UBXN6: variants seen among roughly 807,000 people sequenced by gnomAD.
UBXN6 encodes UBX domain protein 6.
Under a neutral mutation model 51.4 loss-of-function variants are expected in UBXN6, and 44 were observed. The observed-to-expected ratio is 0.86, with a 90% CI of 0.67 to 1.10. The LOEUF (loss-of-function observed/expected upper bound fraction) is 1.10. Ranked by LOEUF, UBXN6 falls within the 50% of genes least tolerant of loss-of-function variation. The pLI, the probability that UBXN6 is intolerant of heterozygous loss-of-function variation, is 0.00. For missense variants in UBXN6, 672 were observed against 596.1 expected, an observed-to-expected ratio of 1.13 and a Z score of -1.32; for synonymous variants, 316 against 263.2, an observed-to-expected ratio of 1.20 and a Z score of -1.94.
chr19:4,452,350 A>C lies in UBXN6; in HGVS notation c.441+14T>G. 2 of 1,612,060 alleles carry C rather than the reference A, an allele frequency of 1.2e-6. No homozygotes were observed. Among genetic ancestry groups the C allele is most frequent in the Non-Finnish European group, 1.7e-6 (2 of 1,178,742 alleles). ...GCTACAGGTTGGGGCAGGAGCACACAGGGTGCCACTCACCAAGAGAATGGC... is the reference window on the plus strand; with the variant it reads ...GCTACAGGTTGGGGCAGGAGCACACCGGGTGCCACTCACCAAGAGAATGGC... On this transcript the variant is annotated intron_variant, in intron 4 of 10. Coordinates refer to ENST00000301281, the MANE Select transcript of UBXN6 (RefSeq NM_025241.3).
At chr19:4,447,392 C>G in intron 6 of UBXN6, 158 bp downstream of exon 6, 3 of 731,594 alleles carry the variant, frequency 4.1e-6, no homozygotes, top group Non-Finnish European at 7.0e-6. Flanking sequence ...TCCATCTTGT[C>G]CTGCTACCTT....
Position 4,445,421 on chromosome 19 carries a change from G to A in UBXN6, c.*77C>T, listed in dbSNP as rs748780485. ...CAAGTATTTCCAGAGGTGGCTTGGA[G>A]GCCCTGGGGTGGCGGGGAGAGGAAC... On this transcript the variant is annotated 3_prime_UTR_variant, in exon 11 of 11. Coordinates refer to ENST00000301281, the MANE Select transcript of UBXN6 (RefSeq NM_025241.3). 1.3e-6 allele frequency: 2 copies of A among 1,591,508 alleles called. No individual in the cohort carries two copies. The highest frequency in any genetic ancestry group is 1.7e-6 in the Non-Finnish European group (2 of 1,166,084).
chr19:4,445,671 C>A (rs1352543750), intron 10 of UBXN6, 48 bp from the exon 11 acceptor site: 1 of 1,587,216 alleles, frequency 6.3e-7, no homozygotes, highest in East Asian at 2.3e-5. Flanking sequence ...TCGGCCCTTG[C>A]CGCGGCAGGG....
chr19:4,452,598 C>T (rs1974673314), intron 3 of UBXN6, 106 bp from the exon 4 acceptor site: 6 of 1,421,468 alleles, frequency 4.2e-6, no homozygotes, highest in Middle Eastern at 2.6e-4. Flanking sequence ...ACATCTCCAG[C>T]CCCCATGCTG....
At chr19:4,452,988 G>A (rs1383194057) in intron 3 of UBXN6, among the ~76,000 whole-genome samples, 1 of 152,178 alleles carries the variant, frequency 6.6e-6, no homozygotes, top group African/African-American at 2.4e-5. Flanking sequence ...ACCTCCTAGA[G>A]GAAGGCCTCC....
At chr19:4,455,981 C>T (rs1974734478) in intron 1 of UBXN6, among the ~76,000 whole-genome samples, 1 of 152,058 alleles carries the variant, frequency 6.6e-6, no homozygotes, top group African/African-American at 2.4e-5. Flanking sequence ...AGAAGGTGAG[C>T]CCTGGGACAG....
Position 4,457,745 on chromosome 19 carries a change from G to A in UBXN6, c.-48C>T, listed in dbSNP as rs1483251499. 8.4e-6 allele frequency: 11 copies of A among 1,306,292 alleles called. No individual in the cohort carries two copies. Among genetic ancestry groups the A allele is most frequent in the Non-Finnish European group, 1.1e-5 (11 of 975,168 alleles). The allele number at this position is 1,306,292 out of a possible 1,614,324, so 80.9% of individuals were successfully genotyped here. On this transcript the variant is annotated 5_prime_UTR_variant, in exon 1 of 11. Coordinates refer to ENST00000301281, the MANE Select transcript of UBXN6 (RefSeq NM_025241.3). ...GGGGGCCGCGGGGGCGGGGGGGCACGGGGCCCAGTCGGGGACGGGGCCGCC... is the reference window on the plus strand; with the variant it reads ...GGGGGCCGCGGGGGCGGGGGGGCACAGGGCCCAGTCGGGGACGGGGCCGCC...
At chr19:4,447,485 C>A (rs534358767) in intron 6 of UBXN6, 65 bp downstream of exon 6, 2 of 1,579,280 alleles carry the variant, frequency 1.3e-6, no homozygotes, top group African/African-American at 2.7e-5. Context: ...GGGCCACCAC[C>A]GGCTCCTGCA....
In UBXN6 at chr19:4,446,405, G is replaced by T; in HGVS notation, c.929C>A (p.Ala310Glu). ...CCGCAGCACGCTCAGCCGCTCCACC[G>T]CCTCGGACCTGCACACGCGGGCCAG... Reference protein sequence around the residue: ...IKREQRLRSEAVERLSVLRTK... With the variant: ...IKREQRLRSEEVERLSVLRTK... Residue 310 changes from alanine to glutamate, a missense_variant, in exon 9 of 11, where the codon GCG becomes GAG. Transcript: ENST00000301281. 6.3e-7 allele frequency: 1 copy of T among 1,577,950 alleles called. No individual in the cohort carries two copies. The highest frequency in any genetic ancestry group is 1.3e-5 in the African/African-American group (1 of 74,538).
chr19:4,445,704 CG>C, intron 10 of UBXN6, 81 bp from the exon 11 acceptor site: 1 of 1,558,452 alleles, frequency 6.4e-7, no homozygotes, highest in Non-Finnish European at 8.7e-7. Context: ...AACCTGGGCG[CG>C]GGGATGCCCC....
At chr19:4,446,443 G>C (rs1417339148) in intron 8 of UBXN6, 30 bp from the exon 9 acceptor site, 1 of 1,579,442 alleles carries the variant, frequency 6.3e-7, no homozygotes, top group Non-Finnish European at 8.6e-7. Flanking sequence ...CACGAGGGCT[G>C]GCCGGGGTTC....
intron 5 of UBXN6, 118 bp from the exon 6 acceptor site, chr19:4,447,743 A>G (rs1974567215): frequency 9.5e-7 from 1 of 1,057,262 alleles, no homozygotes; most frequent in Admixed American, 1.8e-5. Context: ...CAGAGGGAAG[A>G]AGCGGCCCAG....
intron 5 of UBXN6, 31 bp from the exon 6 acceptor site, chr19:4,447,656 C>G: frequency 6.2e-7 from 1 of 1,611,784 alleles, no homozygotes; most frequent in African/African-American, 1.3e-5. Context: ...GAGTGGGGCA[C>G]AGCCCAGGCT....
At position 4,454,014 on chromosome 19, in the gene UBXN6, C is replaced by T. The variant is rs767607803; in HGVS notation, c.163G>A (p.Ala55Thr). 12 of 1,605,320 alleles carry T rather than the reference C, an allele frequency of 7.5e-6. No individual in the cohort carries two copies. The East Asian group carries it at 2.7e-4, about 36-fold the overall frequency. The change falls in exon 2 of 11, where the codon GCA becomes ACA. Residue 55 changes from alanine to threonine, a missense_variant. Ala to Thr is a moderately conservative substitution (Grantham distance 58, BLOSUM62 0). Coordinates refer to ENST00000301281, the MANE Select transcript of UBXN6 (RefSeq NM_025241.3). Reference protein sequence around the residue: ...RQGPTNEAQMAAAAALARLEQ... With the variant: ...RQGPTNEAQMTAAAALARLEQ... ...AGCCGGGCTAGGGCGGCAGCGGCTG[C>T]CATCTGTGCCTCATTGGTGGGTCCC...
At chr19:4,451,228 T>G (rs965505521) in intron 4 of UBXN6, among the ~76,000 whole-genome samples, 4 of 151,754 alleles carry the variant, frequency 2.6e-5, no homozygotes, top group African/African-American at 9.7e-5. Context: ...GGCTAATTTT[T>G]GTATATTTAG....
At chr19:4,447,246 C>T (rs1974553366) in intron 6 of UBXN6, 2 of 572,248 alleles carry the variant, frequency 3.5e-6, no homozygotes, top group African/African-American at 1.9e-5. Context: ...AAGAACCAGA[C>T]ATCTGGTTTG....
intron 1 of UBXN6, 93 bp downstream of exon 1, chr19:4,457,522 C>T (rs1974756838): frequency 7.3e-6 from 9 of 1,228,134 alleles, no homozygotes; most frequent in Non-Finnish European, 9.8e-6. Context: ...GCCCCTCATC[C>T]TCTCCGATCT....
intron 10 of UBXN6, 47 bp from the exon 11 acceptor site, chr19:4,445,670 G>A (rs1974495021): frequency 1.3e-6 from 2 of 1,588,062 alleles, no homozygotes; most frequent in Non-Finnish European, 1.7e-6. Flanking sequence ...GTCGGCCCTT[G>A]CCGCGGCAGG....
At position 4,446,606 on chromosome 19, in the gene UBXN6, T is replaced by G. The variant is rs578223416; in HGVS notation, c.814A>C (p.Arg272=). 1.6e-5 allele frequency: 26 copies of G among 1,612,726 alleles called. No homozygotes were observed. In the African/African-American group the frequency reaches 3.3e-4, roughly 21 times the overall value. The stretch of plus-strand genomic sequence containing the variant: ...GAGGGCTGGAAGACGCGGCGCTGCC[T>G]GTCCAGCTTGGCGCGCACGGGCTCC... ...AAEPVRAKLD[R]QRRVFQPSPL... Residue 272 remains arginine, a synonymous_variant, in exon 8 of 11, where the codon AGG becomes CGG. Transcript: ENST00000301281.
Sources: gnomAD v4.1 joint callset for allele counts (sites outside exome capture counted in the v4.1 genomes callset) on GRCh38, gnomAD v4.1.1 for gene constraint, MANE v1.5 for transcripts, NCBI Gene and HGNC (gene_info 2026-07-23, HGNC 2026-07-21) for gene names.